Variants in ATR observed in about 807,000 individuals in gnomAD.
The protein encoded by ATR is ATR checkpoint kinase.
In ATR, 142 loss-of-function variants were observed where a neutral mutation model predicts 305.3. That is an observed-to-expected ratio of 0.47 (90% CI 0.41 to 0.53). The LOEUF is 0.53. ATR is among the 20% of genes least tolerant of loss of function. The pLI is 0.00. For missense variants in ATR, 2,135 were observed against 3,133.1 expected, an observed-to-expected ratio of 0.68 and a Z score of 7.60; for synonymous variants, 1,050 against 1,068.1, an observed-to-expected ratio of 0.98 and a Z score of 0.33.
Position 142,561,381 on chromosome 3 carries a change from C to T in ATR, c.1211G>A (p.Ser404Asn), listed in dbSNP as rs775178624. The change falls in exon 5 of 47, where the codon AGT (serine) becomes AAT (asparagine). Residue 404 changes from serine to asparagine, a missense_variant. Transcript: ENST00000350721. Reference protein sequence around the residue: ...GPLYAALKMESMEIIEEIQCQ... With the variant: ...GPLYAALKMENMEIIEEIQCQ... ...TTGAATCTCCTCAATGATTTCCATA[C>T]TTTCCATTTTCAAAGCTGCATAAAG... 6.2e-6 allele frequency: 10 copies of T among 1,613,878 alleles called. No homozygotes were observed. Among genetic ancestry groups the T allele is most frequent in the Middle Eastern group, 1.6e-4 (1 of 6,080 alleles).
intron 36 of ATR, among the ~76,000 whole-genome samples, chr3:142,481,021 C>T (rs992389703): frequency 1.3e-5 from 2 of 152,268 alleles, no homozygotes; most frequent in Admixed American, 6.5e-5. Context: ...AATTCCCTGA[C>T]CCCTTGCACT....
chr3:142,487,314 T>G (rs558415876), intron 35 of ATR, among the ~76,000 whole-genome samples: 1 of 152,248 alleles, frequency 6.6e-6, no homozygotes, highest in East Asian at 1.9e-4. Context: ...TTTTTGTATT[T>G]TTTGTAGAGA....
At chr3:142,457,046 A>C (rs966243802) in intron 45 of ATR, among the ~76,000 whole-genome samples, 1 of 152,248 alleles carries the variant, frequency 6.6e-6, no homozygotes, top group Non-Finnish European at 1.5e-5. Context: ...GGTGGAAACA[A>C]TCCAAATGTC....
At chr3:142,491,719 C>G (rs1198870776) in intron 35 of ATR, among the ~76,000 whole-genome samples, 1 of 152,164 alleles carries the variant, frequency 6.6e-6, no homozygotes, top group Non-Finnish European at 1.5e-5. Flanking sequence ...AGGAGCTGGA[C>G]TCCTATTTAT....
intron 6 of ATR, among the ~76,000 whole-genome samples, chr3:142,559,962 C>T (rs545972135): frequency 2.6e-5 from 4 of 152,038 alleles, no homozygotes; most frequent in Non-Finnish European, 5.9e-5. Context: ...TCATGTGTCC[C>T]CAGGAAAGTC....
intron 18 of ATR, 56 bp from the exon 19 acceptor site, chr3:142,538,681 T>C (rs949460679): frequency 1.1e-5 from 17 of 1,596,242 alleles, no homozygotes; most frequent in Non-Finnish European, 1.5e-5. Flanking sequence ...TTTGTAAAGC[T>C]CTATCAATCA....
At chr3:142,552,318 ATAAATC>A (rs1559987634) in intron 13 of ATR, among the ~76,000 whole-genome samples, 7 of 151,976 alleles carry the variant, frequency 4.6e-5, no homozygotes, top group Non-Finnish European at 1.0e-4. Flanking sequence ...AAAAAGGAAT[ATAAATC>A]ATTCTATAGT....
intron 36 of ATR, among the ~76,000 whole-genome samples, chr3:142,479,814 C>G (rs1257804252): frequency 6.6e-6 from 1 of 152,148 alleles, no homozygotes; most frequent in Non-Finnish European, 1.5e-5. Context: ...CTAAACTTCT[C>G]TTCTCGCTTC....
intron 10 of ATR, among the ~76,000 whole-genome samples, chr3:142,554,452 A>G (rs1485228771): frequency 1.3e-5 from 2 of 152,104 alleles, no homozygotes; most frequent in Non-Finnish European, 2.9e-5. Context: ...GGTCTCGAAC[A>G]CCTGAGCTCA....
chr3:142,558,016 T>G (rs568797142), intron 8 of ATR, among the ~76,000 whole-genome samples: 2 of 152,190 alleles, frequency 1.3e-5, no homozygotes, highest in African/African-American at 2.4e-5. Flanking sequence ...TCTCAAATAC[T>G]TCCTAATTTT....
At chr3:142,457,015 C>A (rs528635757) in intron 45 of ATR, among the ~76,000 whole-genome samples, 3 of 152,292 alleles carry the variant, frequency 2.0e-5, no homozygotes, top group Admixed American at 2.0e-4. Flanking sequence ...TTCACAGCCA[C>A]ACTATTTATA....
intron 38 of ATR, among the ~76,000 whole-genome samples, chr3:142,468,437 A>G (rs2071181713): frequency 6.6e-6 from 1 of 152,156 alleles, no homozygotes; most frequent in African/African-American, 2.4e-5. Context: ...ATATCTTCAA[A>G]TTATATTTAA....
At position 142,450,927 on chromosome 3, in the gene ATR, C is replaced by T. The variant is rs375082460; in HGVS notation, c.7762-1325G>A. 2.1e-4 allele frequency: 255 copies of T among 1,224,852 alleles called. 4 individuals are homozygous for T. The East Asian group carries it at 7.2e-3, about 35-fold the overall frequency. 75.9% of individuals were successfully genotyped at this position (1,224,852 alleles called of 1,614,324 possible). ...AAAATAGCAGCTCACCCATTATCTT[C>T]GCGGAGCTCACCTCAGAAAAGAAAA... is the stretch of plus-strand genomic sequence containing the variant. On this transcript the variant is annotated intron_variant, in intron 46 of 46. Coordinates refer to ENST00000350721, the MANE Select transcript of ATR (RefSeq NM_001184.4).
chr3:142,498,704 T>C lies in ATR; in HGVS notation c.5451A>G (p.Thr1817=). 2 of 1,614,056 alleles carry C rather than the reference T, an allele frequency of 1.2e-6. No homozygotes were observed. Among genetic ancestry groups the C allele is most frequent in the Non-Finnish European group, 1.7e-6 (2 of 1,179,924 alleles). The part of the protein sequence containing the change: ...LLLSAKKRDI[T]AFYDSLKLVR... ...CTAGTTTCAGTGAGTCATAAAAAGC[T>C]GTGATATCTCTTTTTTTGGCTGATA... The change falls in exon 32 of 47, where the codon ACA becomes ACG. Residue 1817 remains threonine, a synonymous_variant. Transcript: ENST00000350721.
At chr3:142,469,967 A>G (rs2071222113) in intron 37 of ATR, 119 bp downstream of exon 37, 14 of 774,338 alleles carry the variant, frequency 1.8e-5, no homozygotes, top group Non-Finnish European at 2.8e-5. Flanking sequence ...CACTTACATA[A>G]TATCTTAATT....
intron 27 of ATR, among the ~76,000 whole-genome samples, chr3:142,508,767 C>CA (rs2032387515): frequency 1.3e-5 from 2 of 151,558 alleles, no homozygotes; most frequent in Admixed American, 1.3e-4. Flanking sequence ...ACTAAAAATA[C>CA]AAAAAAATTA....
rs1173681688 is a variant in ATR at position 142,538,541 on chromosome 3, A to G, written c.3666T>C (p.Leu1222=). The stretch of plus-strand genomic sequence containing the variant: ...CAGTTTCTTTAGGCTGGATGTGTAT[A>G]AGAGGTAACAAAGCTACTATTACAT... ...LSHVIVALLP[L]IHIQPKETAA... is the part of the protein sequence containing the mutation. The change falls in exon 19 of 47, where the codon CTT becomes CTC. Residue 1222 remains leucine (L), a synonymous_variant. Transcript: ENST00000350721. 6.2e-7 allele frequency: 1 copy of G among 1,613,376 alleles called. No individual in the cohort carries two copies. The highest frequency in any genetic ancestry group is 1.3e-5 in the African/African-American group (1 of 74,894).
At chr3:142,513,428 C>CTT in intron 26 of ATR, 73 bp downstream of exon 26, 2 of 1,545,144 alleles carry the variant, frequency 1.3e-6, no homozygotes, top group Non-Finnish European at 1.8e-6. Context: ...AATAGGTAGC[C>CTT]TTTCTAATAC....
chr3:142,485,030 A>C, intron 36 of ATR, 110 bp downstream of exon 36: 1 of 1,475,540 alleles, frequency 6.8e-7, no homozygotes. Flanking sequence ...ACACTGAATC[A>C]GTCATAAGCC....
Sources: gnomAD v4.1 joint callset for allele counts (sites outside exome capture counted in the v4.1 genomes callset) on GRCh38, gnomAD v4.1.1 for gene constraint, MANE v1.5 for transcripts, NCBI Gene and HGNC (gene_info 2026-07-23, HGNC 2026-07-21) for gene names.